SCML4: variants seen among roughly 807,000 people sequenced by gnomAD.
SCML4 encodes Scm polycomb group protein like 4.
A neutral mutation model predicts 41.1 loss-of-function variants in SCML4; 34 were observed. That is an observed-to-expected ratio of 0.83 (90% CI 0.63 to 1.10). The LOEUF (loss-of-function observed/expected upper bound fraction) is 1.10. Among genes scored for constraint, SCML4 ranks in the 50% least tolerant of loss-of-function variants. The pLI, the probability that SCML4 is intolerant of heterozygous loss-of-function variation, is 0.00. For synonymous variants in SCML4, 214 were observed against 220.9 expected (o/e 0.97, Z 0.28); for missense variants, 522 against 534.1 (o/e 0.98, Z 0.22).
the SCML4 span, among the ~76,000 whole-genome samples, chr6:107,844,893 C>T: frequency 6.7e-5 from 10 of 148,250 alleles, no homozygotes; most frequent in Admixed American, 6.8e-5. Flanking sequence ...AAGACTACGA[C>T]TCAACAACAA....
chr6:107,822,508 C>CTTTTTTTTTTTTTTTTTTTTTTTTTT (rs10677944), intron 1 of SCML4, among the ~76,000 whole-genome samples: 10 of 137,990 alleles, frequency 7.2e-5, no homozygotes, highest in African/African-American at 2.3e-4. Flanking sequence ...TTTTTCTTTT[C>CTTTTTTTTTTTTTTTTTTTTTTTTTT]TTTTTTTTTT....
chr6:107,808,829 TTAAG>T (rs1342900101), intron 1 of SCML4, among the ~76,000 whole-genome samples: 1 of 152,198 alleles, frequency 6.6e-6, no homozygotes, highest in Non-Finnish European at 1.5e-5. Flanking sequence ...ATTTTAATAA[TTAAG>T]TAATTATAAA....
At chr6:107,742,378 T>C (rs1293729358) in intron 5 of SCML4, among the ~76,000 whole-genome samples, 1 of 152,072 alleles carries the variant, frequency 6.6e-6, no homozygotes, top group East Asian at 1.9e-4. Flanking sequence ...CTCATTCAAA[T>C]AAATAATAAC....
At chr6:107,773,036 T>C (rs1277384539) in intron 1 of SCML4, among the ~76,000 whole-genome samples, 3 of 152,204 alleles carry the variant, frequency 2.0e-5, no homozygotes. Context: ...ACTTAATATC[T>C]GCAGAATAAA....
intron 2 of SCML4, among the ~76,000 whole-genome samples, chr6:107,758,560 G>A (rs1327907316): frequency 6.6e-6 from 1 of 152,176 alleles, no homozygotes; most frequent in African/African-American, 2.4e-5. Context: ...TAAAATGAGT[G>A]CATACTGCAT....
At position 107,742,077 on chromosome 6, in the gene SCML4, A is replaced by G. The variant is rs146041925; in HGVS notation, c.682+2872T>C. ...CAGAAATATATCAGAGAAATTTAAC[A>G]AAGAGATTGAAATAATTAAAAAAAA... On this transcript the variant is annotated intron_variant, in intron 5 of 7. Transcript: ENST00000369020. 2.8e-3 allele frequency among the ~76,000 whole-genome samples: 429 copies of G among 152,194 alleles called. 3 individuals carry two copies. Among genetic ancestry groups the G allele is most frequent in the Middle Eastern group, 0.01 (3 of 294 alleles).
rs538135027 is a variant in SCML4 at position 107,742,952 on chromosome 6, A to G, written c.682+1997T>C. Reference sequence around the variant, plus strand: ...AGTATGAAGCCCAAAAGACAAAGCTATTAAAAGCAATAATAGCTAGAACAA... The same window carrying G: ...AGTATGAAGCCCAAAAGACAAAGCTGTTAAAAGCAATAATAGCTAGAACAA... On this transcript the variant is annotated intron_variant, in intron 5 of 7. Coordinates refer to ENST00000369020, the MANE Select transcript of SCML4 (RefSeq NM_198081.5). 7.9e-5 allele frequency among the ~76,000 whole-genome samples: 12 copies of G among 152,346 alleles called. No homozygotes were observed. In the South Asian group the frequency reaches 2.1e-3, roughly 26 times the overall value.
chr6:107,824,820 T>G (rs1440289288), upstream of SCML4, among the ~76,000 whole-genome samples: 1 of 152,038 alleles, frequency 6.6e-6, no homozygotes, highest in Non-Finnish European at 1.5e-5. Flanking sequence ...TTTGGACAAA[T>G]AAAACAAAAA....
intron 5 of SCML4, among the ~76,000 whole-genome samples, chr6:107,735,712 T>A (rs1776999206): frequency 6.6e-6 from 1 of 151,138 alleles, no homozygotes; most frequent in African/African-American, 2.4e-5. Flanking sequence ...GGCAGGAGAA[T>A]CACTTGAACC....
At chr6:107,747,658 C>T (rs993305086) in intron 3 of SCML4, among the ~76,000 whole-genome samples, 1 of 151,004 alleles carries the variant, frequency 6.6e-6, no homozygotes, top group South Asian at 2.1e-4. Flanking sequence ...AGAATGTCTA[C>T]AAAACTGGTT....
chr6:107,722,656 G>A (rs1440412808), intron 5 of SCML4, among the ~76,000 whole-genome samples: 5 of 152,234 alleles, frequency 3.3e-5, no homozygotes, highest in South Asian at 2.1e-4. Context: ...TCCATACATG[G>A]ATTCTTCCAC....
chr6:107,720,124 C>T, intron 6 of SCML4: 1 of 984,474 alleles, frequency 1.0e-6, no homozygotes, highest in Non-Finnish European at 1.2e-6. Context: ...AGAGACAATT[C>T]TTTACCAAGG....
intron 5 of SCML4, among the ~76,000 whole-genome samples, chr6:107,722,808 A>T (rs1775561317): frequency 6.6e-6 from 1 of 152,256 alleles, no homozygotes. Flanking sequence ...GGCTAGAGGT[A>T]AATTTACAGC....
the SCML4 span, among the ~76,000 whole-genome samples, chr6:107,844,631 C>A: frequency 6.6e-6 from 1 of 151,870 alleles, no homozygotes; most frequent in Non-Finnish European, 1.5e-5. Context: ...GCCAAGAGTT[C>A]GAGGTCACAG....
At chr6:107,711,682 C>G (rs772774308) in intron 6 of SCML4, among the ~76,000 whole-genome samples, 45 of 152,118 alleles carry the variant, frequency 3.0e-4, no homozygotes, top group Non-Finnish European at 5.6e-4. Context: ...TATACAAAAG[C>G]CTGTGTGTGT....
chr6:107,719,856 T>C, intron 6 of SCML4: 1 of 978,356 alleles, frequency 1.0e-6, no homozygotes, highest in South Asian at 4.7e-5. Context: ...GTCCCAGTGA[T>C]TATCCACTAT....
chr6:107,778,196 CAAAAAAAAAAAA>C (rs1171221403), intron 1 of SCML4, among the ~76,000 whole-genome samples: 49 of 7,718 alleles, frequency 6.3e-3, no homozygotes, highest in East Asian at 0.057. Flanking sequence ...GACTCTATCT[CAAAAAAAAAAAA>C]AAAAAAAAAA....
At chr6:107,788,234 G>A (rs1238948666) in intron 1 of SCML4, among the ~76,000 whole-genome samples, 1 of 152,236 alleles carries the variant, frequency 6.6e-6, no homozygotes, top group Non-Finnish European at 1.5e-5. Flanking sequence ...TTGCATTGCA[G>A]TGGGCAGTAA....
At chr6:107,796,497 C>T (rs1255318630) in intron 1 of SCML4, among the ~76,000 whole-genome samples, 8 of 152,238 alleles carry the variant, frequency 5.3e-5, no homozygotes, top group East Asian at 3.9e-4. Flanking sequence ...TTGTTTGCCT[C>T]TTACATTATT....
Sources: allele counts gnomAD v4.1 joint callset (sites outside exome capture counted in the v4.1 genomes callset), GRCh38; gene constraint gnomAD v4.1.1; transcripts MANE v1.5; gene names NCBI Gene and HGNC (gene_info 2026-07-23, HGNC 2026-07-21).